The following FLACC1 variants were observed in gnomAD, a reference collection of about 807,000 sequenced individuals.
FLACC1 encodes the protein flagellum-associated coiled-coil domain-containing protein 1.
In FLACC1, 66 loss-of-function variants were observed where a neutral mutation model predicts 62.8. The observed-to-expected ratio is 1.05, with a 90% CI of 0.86 to 1.29. FLACC1 has a LOEUF of 1.29. FLACC1 is among the 50% of genes most tolerant of loss of function. The probability of loss-of-function intolerance (pLI) is 0.00; values close to 1 mark genes in which losing one functional copy is unlikely to be tolerated. For missense variants in FLACC1, 452 were observed against 489.1 expected (o/e 0.92, Z 0.71); for synonymous variants, 156 against 161.0 (o/e 0.97, Z 0.24).
Position 201,348,244 on chromosome 2 carries a change from C to G in FLACC1, c.234+10G>C, listed in dbSNP as rs1468829100. On this transcript the variant is annotated intron_variant, in intron 4 of 14. Transcript: ENST00000392257. ...TTTTAGTCCCACCGCCCTCTCCTGC[C>G]TTTACTCACATAAAATGATTTATTA... 1 of 1,612,692 alleles carries G rather than the reference C, an allele frequency of 6.2e-7. No individual in the cohort carries two copies. Among genetic ancestry groups the G allele is most frequent in the African/African-American group, 1.3e-5 (1 of 74,838 alleles).
chr2:201,333,541 C>T lies in FLACC1; in HGVS notation c.525-2708G>A, dbSNP rs190437094. Among the ~76,000 whole-genome samples, 640 of 149,912 alleles carry T rather than the reference C, an allele frequency of 4.3e-3. 5 individuals are homozygous for T. The highest frequency in any genetic ancestry group is 0.015 in the African/African-American group (592 of 40,614). On this transcript the variant is annotated intron_variant, in intron 7 of 14. Coordinates refer to ENST00000392257, the MANE Select transcript of FLACC1 (RefSeq NM_001127391.3). Reference sequence around the variant, plus strand: ...TTAGCATTAGGTATATCTCCAAATGCTATACCTCCCCCCTCCCCCCACCCC... The same window carrying T: ...TTAGCATTAGGTATATCTCCAAATGTTATACCTCCCCCCTCCCCCCACCCC...
chr2:201,330,807 T>A lies in FLACC1; in HGVS notation c.551A>T (p.Glu184Val). The A allele has an allele frequency of 4.3e-6, 7 of 1,613,682 alleles. No individual in the cohort carries two copies. The highest frequency in any genetic ancestry group is 5.9e-6 in the Non-Finnish European group (7 of 1,179,988). Residue 184 changes from glutamate (E) to valine (V), a missense_variant, in exon 8 of 15, where the codon GAA becomes GTA. Physicochemically the swap from Glu to Val is moderately radical, Grantham distance 121 (BLOSUM62 -2). Coordinates refer to ENST00000392257, the MANE Select transcript of FLACC1 (RefSeq NM_001127391.3). ...GTAGTTGTTCTCCAACTCACTGAGTTCTGCTTCATGGGCCTCTTTGAGCTC... is the reference window on the plus strand; with the variant it reads ...GTAGTTGTTCTCCAACTCACTGAGTACTGCTTCATGGGCCTCTTTGAGCTC... ...NRELKEAHEA[E>V]LSELENNYKA... is the part of the protein sequence containing the mutation.
At chr2:201,308,202 G>T (rs1379212116) in intron 10 of FLACC1, among the ~76,000 whole-genome samples, 1 of 152,164 alleles carries the variant, frequency 6.6e-6, no homozygotes, top group East Asian at 1.9e-4. Flanking sequence ...GCTGAATTCT[G>T]GTCTTCCAAA....
Position 201,351,282 on chromosome 2 carries a change from T to C in FLACC1, c.113+10A>G. 1 of 1,596,760 alleles carries C rather than the reference T, an allele frequency of 6.3e-7. No homozygotes were observed. Among genetic ancestry groups the C allele is most frequent in the South Asian group, 1.1e-5 (1 of 90,672 alleles). ...GTCCCTGTGCCTACCCCATCCCAGA[T>C]AATTCTTACTTGGAACTCCCTGTGG... On this transcript the variant is annotated intron_variant, in intron 2 of 14. Transcript: ENST00000392257.
chr2:201,355,831 C>T lies in FLACC1; in HGVS notation c.-48+1151G>A, dbSNP rs540390152. On this transcript the variant is annotated intron_variant, in intron 1 of 14. Transcript: ENST00000392257. ...CTAGGACCACACCACTGCATTTCAG[C>T]CTGGGTGACAGCACAAGACCCTGTC... 4.6e-5 allele frequency among the ~76,000 whole-genome samples: 7 copies of T among 152,124 alleles called. No homozygotes were observed. In the East Asian group the frequency reaches 9.7e-4, roughly 21 times the overall value.
At chr2:201,341,875 T>C (rs1036809976) in intron 7 of FLACC1, among the ~76,000 whole-genome samples, 1 of 152,192 alleles carries the variant, frequency 6.6e-6, no homozygotes, top group Non-Finnish European at 1.5e-5. Context: ...TTTCTGTATT[T>C]GGACTCCTTT....
At chr2:201,306,304 G>A (rs1028023241) in intron 11 of FLACC1, among the ~76,000 whole-genome samples, 9 of 152,018 alleles carry the variant, frequency 5.9e-5, no homozygotes, top group Non-Finnish European at 1.2e-4. Context: ...AGAACAGAAA[G>A]GGGGAGAATC....
intron 3 of FLACC1, among the ~76,000 whole-genome samples, chr2:201,350,216 C>T (rs138018022): frequency 0.032 from 4,903 of 152,180 alleles, 218 homozygotes; most frequent in African/African-American, 0.098. Context: ...GAAACCCCGT[C>T]GTTACTACAA....
chr2:201,346,519 G>T lies in FLACC1; in HGVS notation c.368+23C>A. 1 of 1,612,050 alleles carries T rather than the reference G, an allele frequency of 6.2e-7. No individual in the cohort carries two copies. Among genetic ancestry groups the T allele is most frequent in the South Asian group, 1.1e-5 (1 of 91,072 alleles). On this transcript the variant is annotated intron_variant, in intron 5 of 14. Transcript: ENST00000392257. The surrounding 1 kb of genome is among the most constrained non-coding windows in gnomAD (Gnocchi z 4.0). ...TGGGTGGGAGTAGCCCCAAGCAGCT[G>T]CATGTTGCTGCAACAGCATTACCTG...
intron 1 of FLACC1, among the ~76,000 whole-genome samples, chr2:201,356,253 G>A (rs1386684989): frequency 2.6e-5 from 4 of 152,066 alleles, no homozygotes; most frequent in African/African-American, 4.8e-5. Context: ...CTCTACCTCC[G>A]AGGTTCAAGC....
intron 11 of FLACC1, among the ~76,000 whole-genome samples, chr2:201,306,850 C>G (rs13408294): frequency 0.18 from 27,371 of 151,996 alleles, 3,840 homozygotes; most frequent in African/African-American, 0.39. Context: ...ATGTAAGCAC[C>G]TCCTACTTTT....
intron 7 of FLACC1, among the ~76,000 whole-genome samples, chr2:201,336,379 T>C (rs567672476): frequency 6.6e-6 from 1 of 152,348 alleles, no homozygotes; most frequent in South Asian, 2.1e-4. Context: ...ATGGTGTATA[T>C]ATACCACATT....
the FLACC1 span, among the ~76,000 whole-genome samples, chr2:201,362,770 A>G: frequency 5.9e-5 from 9 of 152,310 alleles, no homozygotes; most frequent in East Asian, 1.5e-3. Context: ...TAATCCAGGC[A>G]TTCTTTGGTG....
At chr2:201,336,335 G>C (rs1363084086) in intron 7 of FLACC1, among the ~76,000 whole-genome samples, 1 of 152,162 alleles carries the variant, frequency 6.6e-6, no homozygotes, top group African/African-American at 2.4e-5. Context: ...CAAAGGACAT[G>C]ATTTTGTTCT....
At chr2:201,320,772 G>A (rs1023279835) in intron 9 of FLACC1, among the ~76,000 whole-genome samples, 9 of 152,158 alleles carry the variant, frequency 5.9e-5, no homozygotes, top group African/African-American at 1.9e-4. Context: ...TAACACAAAG[G>A]ACAGAAACTC....
intron 12 of FLACC1, among the ~76,000 whole-genome samples, chr2:201,293,987 C>A (rs935578210): frequency 6.6e-6 from 1 of 152,146 alleles, no homozygotes; most frequent in Non-Finnish European, 1.5e-5. Context: ...AGTTGAATCC[C>A]TGAATAGACC....
At chr2:201,309,124 CA>C in intron 10 of FLACC1, 26 bp downstream of exon 10, 2 of 1,588,856 alleles carry the variant, frequency 1.3e-6, no homozygotes, top group Non-Finnish European at 1.7e-6. Flanking sequence ...CACTTGTCAT[CA>C]AAAAAGCTAG....
chr2:201,320,766 A>G (rs1950388428), intron 9 of FLACC1, among the ~76,000 whole-genome samples: 1 of 152,210 alleles, frequency 6.6e-6, no homozygotes, highest in South Asian at 2.1e-4. Flanking sequence ...GTAGTTTAAC[A>G]CAAAGGACAG....
At chr2:201,331,568 C>G (rs1160040737) in intron 7 of FLACC1, among the ~76,000 whole-genome samples, 1 of 152,114 alleles carries the variant, frequency 6.6e-6, no homozygotes. Flanking sequence ...ATGGAGGAAC[C>G]TTTAAAGCAT....
Sources: allele counts gnomAD v4.1 joint callset (sites outside exome capture counted in the v4.1 genomes callset), GRCh38; gene constraint gnomAD v4.1.1; non-coding constraint Gnocchi (gnomAD v3.1); transcripts MANE v1.5; gene names NCBI Gene and HGNC (gene_info 2026-07-23, HGNC 2026-07-21).